Variants in ULK4 observed in about 807,000 individuals in gnomAD.
ULK4 encodes unc-51 like kinase 4.
ULK4 carries 133 observed loss-of-function variants against 160.6 expected under a neutral mutation model. The observed-to-expected ratio is 0.83, with a 90% confidence interval of 0.72 to 0.96. The LOEUF is 0.96. Among genes scored for constraint, ULK4 ranks in the 40% least tolerant of loss-of-function variants. The probability of loss-of-function intolerance (pLI) is 0.00; values close to 1 mark genes in which losing one functional copy is unlikely to be tolerated. For missense variants in ULK4, 1,580 were observed against 1,499.5 expected (o/e 1.05, Z -0.89); for synonymous variants, 534 against 539.8 (o/e 0.99, Z 0.15).
chr3:41,818,921 A>G (rs1211972295), intron 19 of ULK4, among the ~76,000 whole-genome samples: 1 of 152,240 alleles, frequency 6.6e-6, no homozygotes, highest in Non-Finnish European at 1.5e-5. Context: ...GCCATTAACA[A>G]TTGCTTAAGA....
At chr3:41,487,858 T>C (rs1298289695) in intron 32 of ULK4, among the ~76,000 whole-genome samples, 2 of 152,262 alleles carry the variant, frequency 1.3e-5, no homozygotes, top group Non-Finnish European at 2.9e-5. Context: ...ATATAACATG[T>C]GTAAATATCC....
intron 32 of ULK4, among the ~76,000 whole-genome samples, chr3:41,527,645 C>T (rs1041005561): frequency 2.0e-5 from 3 of 152,168 alleles, no homozygotes; most frequent in Non-Finnish European, 2.9e-5. Flanking sequence ...AACACAGGTA[C>T]GAACAGCTTT....
rs115713069 is a variant in ULK4 at position 41,424,766 on chromosome 3, C to A, written c.3493-26502G>T. ...ATCAACAGGAAACTCCCCACAAAAA[C>A]CACATCCAAAGGCGAGCAGCCTCAA... On this transcript the variant is annotated intron_variant, in intron 34 of 36. Coordinates refer to ENST00000301831, the MANE Select transcript of ULK4 (RefSeq NM_017886.4). Among the ~76,000 whole-genome samples, 1,253 of 143,720 alleles carry A rather than the reference C, an allele frequency of 8.7e-3. 17 individuals carry two copies. The highest frequency in any genetic ancestry group is 0.03 in the African/African-American group (1,158 of 37,972). 94.3% of individuals were successfully genotyped at this position (143,720 alleles called of 152,430 possible). A position where few individuals can be genotyped will look rare whatever the true frequency, so the allele number is the denominator to read the frequency against.
intron 22 of ULK4, among the ~76,000 whole-genome samples, chr3:41,744,921 C>G (rs2038367958): frequency 6.6e-6 from 1 of 151,494 alleles, no homozygotes; most frequent in South Asian, 2.1e-4. Context: ...ACAGAAAAAT[C>G]TCTAAATATG....
At chr3:41,591,479 G>A (rs373959939) in intron 31 of ULK4, among the ~76,000 whole-genome samples, 130 of 147,968 alleles carry the variant, frequency 8.8e-4, no homozygotes, top group African/African-American at 3.0e-3. Flanking sequence ...ATACACTACC[G>A]ATAACTGATG....
intron 30 of ULK4, among the ~76,000 whole-genome samples, chr3:41,646,595 A>T (rs989843483): frequency 1.2e-4 from 18 of 152,192 alleles, no homozygotes; most frequent in African/African-American, 4.3e-4. Context: ...TTTGTGGGTA[A>T]CCCGACCTTT....
At chr3:41,943,006 G>A (rs1700006449) in intron 2 of ULK4, among the ~76,000 whole-genome samples, 1 of 151,976 alleles carries the variant, frequency 6.6e-6, no homozygotes, top group East Asian at 1.9e-4. Context: ...GAGGTAAGGA[G>A]ATCAAGACCA....
At chr3:41,492,353 G>A (rs1456878570) in intron 32 of ULK4, among the ~76,000 whole-genome samples, 1 of 152,046 alleles carries the variant, frequency 6.6e-6, no homozygotes, top group Non-Finnish European at 1.5e-5. Flanking sequence ...CGCCAACAGT[G>A]TAAAAGTGTT....
chr3:41,493,794 C>T (rs1409820244), intron 32 of ULK4, among the ~76,000 whole-genome samples: 3 of 146,210 alleles, frequency 2.1e-5, no homozygotes, highest in African/African-American at 2.5e-5. Context: ...GAGAATACTA[C>T]AAACACCTCT....
chr3:41,249,629 C>A, intron 35 of ULK4, 55 bp from the exon 36 acceptor site: 1 of 1,562,850 alleles, frequency 6.4e-7, no homozygotes, highest in Non-Finnish European at 8.7e-7. Context: ...CTGACTCATG[C>A]CCTGTTGGAT....
At chr3:41,705,420 G>T in intron 25 of ULK4, 115 bp from the exon 26 acceptor site, 1 of 633,720 alleles carries the variant, frequency 1.6e-6, no homozygotes, top group Non-Finnish European at 2.7e-6. Context: ...CTCATAGACA[G>T]TATTAAATAC....
At chr3:41,421,675 G>A (rs916154058) in intron 34 of ULK4, among the ~76,000 whole-genome samples, 5 of 152,154 alleles carry the variant, frequency 3.3e-5, no homozygotes, top group African/African-American at 7.2e-5. Flanking sequence ...TTTGTGGGGA[G>A]GGGATTTTCT....
chr3:41,921,137 C>T (rs1466156797), intron 5 of ULK4, among the ~76,000 whole-genome samples: 1 of 151,978 alleles, frequency 6.6e-6, no homozygotes, highest in Non-Finnish European at 1.5e-5. Flanking sequence ...CCTGGTGAAA[C>T]CCCATCTCTA....
chr3:41,878,661 G>C lies in ULK4; in HGVS notation c.1656+5213C>G, dbSNP rs147859462. ...TACTACATGTAGACAATAATCGATT[G>C]ATGTTAAAACTGTTAAAAAAAAAAA... On this transcript the variant is annotated intron_variant, in intron 17 of 36. Transcript: ENST00000301831. Among the ~76,000 whole-genome samples, 704 of 120,776 alleles carry C rather than the reference G, an allele frequency of 5.8e-3. 5 individuals are homozygous for C. The highest frequency in any genetic ancestry group is 0.022 in the African/African-American group (657 of 30,396). The allele number at this position is 120,776 out of a possible 152,430, so 79.2% of individuals were successfully genotyped here.
At chr3:41,422,382 C>T (rs77614520) in intron 34 of ULK4, among the ~76,000 whole-genome samples, 278 of 152,212 alleles carry the variant, frequency 1.8e-3, no homozygotes, top group Non-Finnish European at 3.1e-3. Flanking sequence ...GGTGAAATTA[C>T]ACCTTGCAGA....
intron 21 of ULK4, among the ~76,000 whole-genome samples, chr3:41,783,508 C>T (rs1404575474): frequency 1.3e-5 from 2 of 151,504 alleles, no homozygotes; most frequent in African/African-American, 4.9e-5. Flanking sequence ...TACGCTCCAG[C>T]CTAGGCAACA....
At chr3:41,306,472 G>A (rs1370227623) in intron 35 of ULK4, among the ~76,000 whole-genome samples, 2 of 146,840 alleles carry the variant, frequency 1.4e-5, no homozygotes, top group South Asian at 2.2e-4. Context: ...TGGGAGGGAG[G>A]TGGGGGGGTC....
intron 22 of ULK4, among the ~76,000 whole-genome samples, chr3:41,743,502 A>C (rs1055027820): frequency 6.6e-6 from 1 of 151,850 alleles, no homozygotes; most frequent in Admixed American, 6.5e-5. Flanking sequence ...TAGAAGGTTA[A>C]GAATATAAAA....
intron 18 of ULK4, among the ~76,000 whole-genome samples, chr3:41,824,163 T>TTTAAAAA (rs555935496): frequency 0.17 from 20,148 of 116,950 alleles, 1,616 homozygotes; most frequent in Middle Eastern, 0.28. Context: ...ACTCTATCTT[T>TTTAAAAA]AAAAAAAAAA....
Sources: gnomAD v4.1 joint callset for allele counts (sites outside exome capture counted in the v4.1 genomes callset) on GRCh38, gnomAD v4.1.1 for gene constraint, MANE v1.5 for transcripts, NCBI Gene and HGNC (gene_info 2026-07-23, HGNC 2026-07-21) for gene names.